The following FKBP6 variants were observed in gnomAD, a reference collection of about 807,000 sequenced individuals.
FKBP6 encodes FKBP prolyl isomerase family member 6 (inactive), also known as inactive peptidyl-prolyl cis-trans isomerase FKBP6.
FKBP6 carries 29 observed loss-of-function variants against 41.7 expected under a neutral mutation model. That is an observed-to-expected ratio of 0.70 (90% CI 0.52 to 0.95). FKBP6 has a LOEUF of 0.95. Among genes scored for constraint, FKBP6 ranks in the 40% least tolerant of loss-of-function variants. The probability of loss-of-function intolerance (pLI) is 0.00; values close to 1 mark genes in which losing one functional copy is unlikely to be tolerated. For synonymous variants in FKBP6, 130 were observed against 165.1 expected (o/e 0.79, Z 1.63); for missense variants, 338 against 408.7 (o/e 0.83, Z 1.49).
intron 8 of FKBP6, among the ~76,000 whole-genome samples, chr7:73,345,874 C>T (rs782621664): frequency 1.3e-5 from 2 of 152,100 alleles, no homozygotes; most frequent in Non-Finnish European, 2.9e-5. Flanking sequence ...CTTTGTTCCA[C>T]GGGGCTGTGG....
chr7:73,339,813 A>G (rs1000207035), intron 5 of FKBP6, among the ~76,000 whole-genome samples: 21 of 152,002 alleles, frequency 1.4e-4, no homozygotes, highest in Non-Finnish European at 2.6e-4. Context: ...GGGTTTCACC[A>G]TGTTGGCCAG....
chr7:73,357,115 C>T (rs902172552), intron 8 of FKBP6, among the ~76,000 whole-genome samples: 2 of 151,874 alleles, frequency 1.3e-5, no homozygotes, highest in East Asian at 1.9e-4. Flanking sequence ...CCTGATGGTG[C>T]GGTGCATGCT....
Position 73,340,707 on chromosome 7 carries a change from C to T in FKBP6, c.658C>T (p.Pro220Ser). 6.2e-7 allele frequency: 1 copy of T among 1,614,028 alleles called. No individual in the cohort carries two copies. Among genetic ancestry groups the T allele is most frequent in the East Asian group, 2.2e-5 (1 of 44,856 alleles). The stretch of plus-strand genomic sequence containing the variant: ...GCACCTGGTGGAGGCCGCCAAGCTT[C>T]CTGTTCTCCTGAACCTGTCCTTTAC... ...EQHLVEAAKL[P>S]VLLNLSFTYL... is the part of the protein sequence containing the mutation. The change falls in exon 6 of 9, where the codon CCT becomes TCT. Residue 220 changes from proline (P) to serine (S), a missense_variant. Pro to Ser is a moderately conservative substitution (Grantham distance 74). This residue lies in a region of FKBP6 where 239 missense variants were observed against 250.1 expected (regional missense o/e 0.96). Coordinates refer to ENST00000252037, the MANE Select transcript of FKBP6 (RefSeq NM_003602.5).
rs180802544 is a variant in FKBP6, at chr7:73,329,506, C to T, written c.265+57C>T. On this transcript the variant is annotated intron_variant, in intron 3 of 8. Transcript: ENST00000252037. ...AATTGTTTAGGGGCTAGATGAGGCA[C>T]GATGCCTCAGGCTGGGAAGACTGCT... 8.2e-5 allele frequency: 86 copies of T among 1,051,890 alleles called. No homozygotes were observed. In the African/African-American group the frequency reaches 8.7e-4, roughly 11 times the overall value. 65.2% of individuals were successfully genotyped at this position (1,051,890 alleles called of 1,614,324 possible).
At chr7:73,330,659 CGTTTG>C (rs1423316171) in intron 4 of FKBP6, among the ~76,000 whole-genome samples, 1 of 152,160 alleles carries the variant, frequency 6.6e-6, no homozygotes, top group African/African-American at 2.4e-5. Context: ...TGCTTTTCAT[CGTTTG>C]GTTTCCAGCA....
intron 5 of FKBP6, among the ~76,000 whole-genome samples, chr7:73,335,531 C>T (rs1483136551): frequency 6.6e-6 from 1 of 152,204 alleles, no homozygotes; most frequent in Non-Finnish European, 1.5e-5. Context: ...CTCCAGCCTG[C>T]CCCCAAGTCA....
At position 73,328,198 on chromosome 7, in the gene FKBP6, G is replaced by T; in HGVS notation, c.-231G>T. 1 of 1,548,052 alleles carries T rather than the reference G, an allele frequency of 6.5e-7. No homozygotes were observed. Among genetic ancestry groups the T allele is most frequent in the Non-Finnish European group, 8.7e-7 (1 of 1,145,888 alleles). On this transcript the variant is annotated 5_prime_UTR_variant, in exon 1 of 9. Transcript: ENST00000252037. The stretch of plus-strand genomic sequence containing the variant: ...GCGCTCCCATTACGGATCATACCTC[G>T]CACCTCACCGCGTGGCCTCTGTAGT...
chr7:73,333,035 G>A (rs1222607459), intron 5 of FKBP6, among the ~76,000 whole-genome samples: 1 of 152,186 alleles, frequency 6.6e-6, no homozygotes, highest in African/African-American at 2.4e-5. Flanking sequence ...ACTTTGGGAG[G>A]CTGAGGCGAG....
At chr7:73,341,883 C>T (rs144658240) in intron 7 of FKBP6, among the ~76,000 whole-genome samples, 3,907 of 151,982 alleles carry the variant, frequency 0.026, 163 homozygotes, top group African/African-American at 0.088. Flanking sequence ...CCAGGCTGGT[C>T]TCAAACTCCT....
chr7:73,343,750 C>CA (rs1805262025), intron 8 of FKBP6, among the ~76,000 whole-genome samples: 1 of 152,122 alleles, frequency 6.6e-6, no homozygotes, highest in Admixed American at 6.6e-5. Flanking sequence ...TTAATGGAAA[C>CA]AAAATCACCT....
At chr7:73,357,165 G>A (rs1554552070) in intron 8 of FKBP6, among the ~76,000 whole-genome samples, 1 of 152,016 alleles carries the variant, frequency 6.6e-6, no homozygotes, top group African/African-American at 2.4e-5. Flanking sequence ...TGACCGTAAT[G>A]GAGCTGCTGC....
chr7:73,339,803 G>A (rs1554549121), intron 5 of FKBP6, among the ~76,000 whole-genome samples: 1 of 151,960 alleles, frequency 6.6e-6, no homozygotes, highest in African/African-American at 2.4e-5. Context: ...AGTAGAGATG[G>A]GGTTTCACCA....
In FKBP6 at chr7:73,340,750, G is replaced by T; in HGVS notation, c.701G>T (p.Arg234Leu). The part of the protein sequence containing the change: ...NLSFTYLKLD[R>L]PTIALCYGEQ... ...TCCTTTACATACCTGAAGCTAGACCGACCCACCATAGCCCTGTGCTATGGA... is the reference window on the plus strand; with the variant it reads ...TCCTTTACATACCTGAAGCTAGACCTACCCACCATAGCCCTGTGCTATGGA... Residue 234 changes from arginine to leucine, a missense_variant, in exon 6 of 9, where the codon CGA (arginine) becomes CTA (leucine). This residue lies in a region of FKBP6 where 239 missense variants were observed against 250.1 expected (regional missense o/e 0.96). Coordinates refer to ENST00000252037, the MANE Select transcript of FKBP6 (RefSeq NM_003602.5). 1.2e-6 allele frequency: 2 copies of T among 1,613,818 alleles called. No homozygotes were observed.
In FKBP6 at chr7:73,328,295, A is replaced by C; in HGVS notation, c.-134A>C. Reference sequence around the variant, plus strand: ...ACGATGAGTGCCTCCTCGTGGCCCCAGAATGGAATGCCGCCGTCGGTAGGG... The same window carrying C: ...ACGATGAGTGCCTCCTCGTGGCCCCCGAATGGAATGCCGCCGTCGGTAGGG... On this transcript the variant is annotated 5_prime_UTR_variant, in exon 1 of 9. Coordinates refer to ENST00000252037, the MANE Select transcript of FKBP6 (RefSeq NM_003602.5). The C allele has an allele frequency of 1.3e-6, 2 of 1,549,218 alleles. No homozygotes were observed. Among genetic ancestry groups the C allele is most frequent in the South Asian group, 2.4e-5 (2 of 83,964 alleles).
At chr7:73,330,097 A>C in intron 3 of FKBP6, 53 bp from the exon 4 acceptor site, 1 of 1,351,710 alleles carries the variant, frequency 7.4e-7, no homozygotes, top group Non-Finnish European at 1.1e-6. Flanking sequence ...AACTGATAGC[A>C]CTGAGCAGGA....
chr7:73,348,010 A>G (rs1805381440), intron 8 of FKBP6, among the ~76,000 whole-genome samples: 1 of 152,180 alleles, frequency 6.6e-6, no homozygotes, highest in Non-Finnish European at 1.5e-5. Context: ...CTGTTGCTCA[A>G]GTCCTTTAGA....
chr7:73,348,780 T>C (rs1225863292), intron 8 of FKBP6, among the ~76,000 whole-genome samples: 2 of 152,182 alleles, frequency 1.3e-5, no homozygotes, highest in South Asian at 2.1e-4. Flanking sequence ...CACCTACTTA[T>C]AGTCACTAGT....
intron 5 of FKBP6, among the ~76,000 whole-genome samples, chr7:73,338,736 A>G (rs1239056872): frequency 6.6e-6 from 1 of 152,248 alleles, no homozygotes; most frequent in African/African-American, 2.4e-5. Flanking sequence ...GACATTGGAC[A>G]TATTTTCATG....
At chr7:73,343,697 C>T (rs1247907796) in intron 8 of FKBP6, among the ~76,000 whole-genome samples, 1 of 152,112 alleles carries the variant, frequency 6.6e-6, no homozygotes, top group Non-Finnish European at 1.5e-5. Flanking sequence ...ATGAGATAAC[C>T]CTCCAGTCTG....
Sources: gnomAD v4.1 joint callset for allele counts (sites outside exome capture counted in the v4.1 genomes callset) on GRCh38, gnomAD v4.1.1 for gene constraint, gnomAD v4.1.1 regional missense constraint, MANE v1.5 for transcripts, NCBI Gene and HGNC (gene_info 2026-07-23, HGNC 2026-07-21) for gene names.